Variants in PTPRT observed in about 807,000 individuals in gnomAD.
PTPRT encodes receptor-type tyrosine-protein phosphatase T.
A neutral mutation model predicts 176.8 loss-of-function variants in PTPRT; 56 were observed. The observed-to-expected ratio is 0.32, with a 90% CI of 0.26 to 0.40. The LOEUF (loss-of-function observed/expected upper bound fraction) is 0.40. Among genes scored for constraint, PTPRT ranks in the 10% least tolerant of loss-of-function variants. The probability of loss-of-function intolerance (pLI) is 1.00; values close to 1 mark genes in which losing one functional copy is unlikely to be tolerated. For synonymous variants in PTPRT, 783 were observed against 739.0 expected, an observed-to-expected ratio of 1.06 and a Z score of -0.96; for missense variants, 1,540 against 1,908.2, an observed-to-expected ratio of 0.81 and a Z score of 3.60.
intron 7 of PTPRT, among the ~76,000 whole-genome samples, chr20:42,662,384 A>C (rs909861): frequency 0.071 from 10,868 of 152,090 alleles, 505 homozygotes; most frequent in Admixed American, 0.11. Context: ...CTCTAATCGG[A>C]CTCAGTAGGC....
At chr20:42,988,757 G>A (rs918243234) in intron 1 of PTPRT, among the ~76,000 whole-genome samples, 2 of 152,160 alleles carry the variant, frequency 1.3e-5, no homozygotes, top group Admixed American at 6.5e-5. Flanking sequence ...GATGAACATT[G>A]AGTCTTGGCC....
intron 17 of PTPRT, among the ~76,000 whole-genome samples, chr20:42,157,026 G>T (rs1349217384): frequency 1.3e-5 from 2 of 152,258 alleles, no homozygotes; most frequent in Non-Finnish European, 2.9e-5. Context: ...AGCATGGTCA[G>T]GTCCCTCTTT....
intron 2 of PTPRT, among the ~76,000 whole-genome samples, chr20:42,810,220 G>C (rs1297197428): frequency 1.3e-5 from 2 of 152,132 alleles, no homozygotes; most frequent in Admixed American, 1.3e-4. Flanking sequence ...CTTGAACCCA[G>C]GAGGCAGAGG....
At chr20:42,407,382 A>C (rs2058971849) in intron 9 of PTPRT, among the ~76,000 whole-genome samples, 1 of 152,176 alleles carries the variant, frequency 6.6e-6, no homozygotes, top group African/African-American at 2.4e-5. Flanking sequence ...CACTGGAGTC[A>C]ATTTGGGTTA....
chr20:42,231,386 T>C (rs1264823503), intron 15 of PTPRT, among the ~76,000 whole-genome samples: 1 of 152,206 alleles, frequency 6.6e-6, no homozygotes, highest in Non-Finnish European at 1.5e-5. Flanking sequence ...AATAGACAAG[T>C]CTTCAGACTT....
chr20:42,934,356 G>A (rs775919070), intron 1 of PTPRT, among the ~76,000 whole-genome samples: 3 of 152,218 alleles, frequency 2.0e-5, no homozygotes, highest in Non-Finnish European at 4.4e-5. Context: ...AGAAAAAGAA[G>A]TCTAATGGTT....
intron 9 of PTPRT, among the ~76,000 whole-genome samples, chr20:42,436,171 T>G (rs1451145662): frequency 6.6e-6 from 1 of 152,216 alleles, no homozygotes; most frequent in Non-Finnish European, 1.5e-5. Flanking sequence ...GGCAATCATC[T>G]TTCTCACCTT....
At chr20:43,151,049 G>A (rs1358116072) in intron 1 of PTPRT, among the ~76,000 whole-genome samples, 5 of 152,094 alleles carry the variant, frequency 3.3e-5, no homozygotes, top group African/African-American at 1.2e-4. Context: ...GCTCACGCCT[G>A]TAATCCCAGC....
At chr20:42,458,075 G>A (rs2070954552) in intron 8 of PTPRT, among the ~76,000 whole-genome samples, 1 of 152,154 alleles carries the variant, frequency 6.6e-6, no homozygotes, top group Non-Finnish European at 1.5e-5. Context: ...AATTCCCTAA[G>A]GGGTTTTCTT....
chr20:42,136,087 T>C (rs1425828397), intron 18 of PTPRT, among the ~76,000 whole-genome samples: 1 of 152,096 alleles, frequency 6.6e-6, no homozygotes, highest in Non-Finnish European at 1.5e-5. Flanking sequence ...TCACCAAAGA[T>C]AGCCCAGTAA....
chr20:42,248,838 G>T lies in PTPRT; in HGVS notation c.2177-16C>A. 6.2e-7 allele frequency: 1 copy of T among 1,613,050 alleles called. No homozygotes were observed. The highest frequency in any genetic ancestry group is 8.5e-7 in the Non-Finnish European group (1 of 1,179,120). ...GTGGAGGCACCTAGGAAGGGAAAGG[G>T]AAGGATAGCAATGTTGAAAGCACCC... On this transcript the variant is annotated splice_polypyrimidine_tract_variant and intron_variant, in intron 13 of 30. Coordinates refer to ENST00000373187, the MANE Select transcript of PTPRT (RefSeq NM_007050.6).
chr20:42,163,687 T>C (rs1989705865), intron 16 of PTPRT, among the ~76,000 whole-genome samples: 1 of 152,118 alleles, frequency 6.6e-6, no homozygotes. Flanking sequence ...GCCTGAGAGA[T>C]GAAGGCACAT....
intron 11 of PTPRT, among the ~76,000 whole-genome samples, chr20:42,327,311 T>C (rs1489586239): frequency 1.3e-5 from 2 of 152,072 alleles, no homozygotes; most frequent in Non-Finnish European, 1.5e-5. Flanking sequence ...CTGAAAAATT[T>C]TAGTATGCCC....
intron 6 of PTPRT, among the ~76,000 whole-genome samples, chr20:42,742,337 G>A (rs1176352597): frequency 1.3e-5 from 2 of 152,210 alleles, no homozygotes; most frequent in Non-Finnish European, 2.9e-5. Context: ...AACAGACAGA[G>A]CCTCCCTGCA....
chr20:42,069,642 C>T (rs555014681), downstream of PTPRT, among the ~76,000 whole-genome samples: 10 of 152,204 alleles, frequency 6.6e-5, no homozygotes, highest in South Asian at 2.1e-3. Flanking sequence ...TACTTGTGTT[C>T]CCTATGATGA....
At chr20:43,110,927 G>A (rs139409669) in intron 1 of PTPRT, among the ~76,000 whole-genome samples, 118 of 152,256 alleles carry the variant, frequency 7.8e-4, no homozygotes, top group African/African-American at 2.7e-3. Flanking sequence ...TCTCAGTGAC[G>A]AGGCAGCACC....
intron 2 of PTPRT, among the ~76,000 whole-genome samples, chr20:42,873,720 C>G (rs1410196811): frequency 1.4e-4 from 21 of 152,128 alleles, no homozygotes; most frequent in Admixed American, 1.4e-3. Context: ...GTAGTTTACA[C>G]TTACAGGACT....
chr20:43,023,954 T>G, intron 1 of PTPRT, among the ~76,000 whole-genome samples: 1 of 152,172 alleles, frequency 6.6e-6, no homozygotes. Flanking sequence ...CTAATGCCCC[T>G]GAATTGCCTG....
chr20:43,110,935 A>G (rs1293443806), intron 1 of PTPRT, among the ~76,000 whole-genome samples: 1 of 152,210 alleles, frequency 6.6e-6, no homozygotes, highest in African/African-American at 2.4e-5. Flanking sequence ...ACGAGGCAGC[A>G]CCAACTCGAA....
Sources: allele counts gnomAD v4.1 joint callset (sites outside exome capture counted in the v4.1 genomes callset), GRCh38; gene constraint gnomAD v4.1.1; transcripts MANE v1.5; gene names NCBI Gene and HGNC (gene_info 2026-07-23, HGNC 2026-07-21).